Variants in NCAM2 observed in about 807,000 individuals in gnomAD.
The protein encoded by NCAM2 is neural cell adhesion molecule 2, also known as N-CAM-2.
NCAM2 carries 30 observed loss-of-function variants against 98.1 expected under a neutral mutation model. That is an observed-to-expected ratio of 0.31 (90% confidence interval 0.23 to 0.41). NCAM2 has a LOEUF of 0.41. Ranked by LOEUF, NCAM2 falls within the 10% of genes least tolerant of loss-of-function variation. The pLI, the probability that NCAM2 is intolerant of heterozygous loss-of-function variation, is 1.00. For missense variants in NCAM2, 867 were observed against 1,005.8 expected, an observed-to-expected ratio of 0.86 and a Z score of 1.87; for synonymous variants, 368 against 342.4, an observed-to-expected ratio of 1.07 and a Z score of -0.83.
intron 6 of NCAM2, among the ~76,000 whole-genome samples, chr21:21,331,608 G>GAGAGAGAGAGAT: frequency 4.0e-5 from 1 of 24,970 alleles, no homozygotes; most frequent in Non-Finnish European, 8.5e-5. Flanking sequence ...GAGAGTGAGA[G>GAGAGAGAGAGAT]AGAGAATCTC....
intron 1 of NCAM2, among the ~76,000 whole-genome samples, chr21:21,235,188 A>C (rs2070771232): frequency 6.6e-6 from 1 of 151,916 alleles, no homozygotes; most frequent in Non-Finnish European, 1.5e-5. Flanking sequence ...TGCTTTAGTA[A>C]GAAAGATATT....
At chr21:21,471,771 C>T (rs556492322) in intron 14 of NCAM2, among the ~76,000 whole-genome samples, 55 of 152,084 alleles carry the variant, frequency 3.6e-4, no homozygotes, top group Non-Finnish European at 6.8e-4. Context: ...AAGTGTAAAA[C>T]TCCCTATAGA....
chr21:21,100,575 A>G (rs1278569104), intron 1 of NCAM2, among the ~76,000 whole-genome samples: 1 of 152,066 alleles, frequency 6.6e-6, no homozygotes, highest in African/African-American at 2.4e-5. Flanking sequence ...CCTATGTTAC[A>G]TTTCCTGTTA....
At chr21:21,114,313 T>C (rs1303667463) in intron 1 of NCAM2, among the ~76,000 whole-genome samples, 5 of 152,242 alleles carry the variant, frequency 3.3e-5, no homozygotes, top group African/African-American at 1.2e-4. Context: ...CTTTGCTCTC[T>C]ACAAAAATTG....
chr21:21,158,816 C>G (rs192153537), intron 1 of NCAM2, among the ~76,000 whole-genome samples: 19 of 152,112 alleles, frequency 1.2e-4, no homozygotes, highest in Admixed American at 3.9e-4. Context: ...TAATAAATGA[C>G]TATATCTGGC....
chr21:21,466,575 T>C, intron 12 of NCAM2, 31 bp from the exon 13 acceptor site: 2 of 1,466,050 alleles, frequency 1.4e-6, no homozygotes, highest in South Asian at 1.3e-5. Flanking sequence ...ATATATATGT[T>C]TTATTTTGTT....
chr21:21,236,301 T>C (rs950381115), intron 1 of NCAM2, among the ~76,000 whole-genome samples: 1 of 70,992 alleles, frequency 1.4e-5, no homozygotes, highest in African/African-American at 4.1e-5. Context: ...ATTGTGTCAT[T>C]TTTCCCTCTA....
chr21:21,029,816 G>T (rs1032422834), intron 1 of NCAM2, among the ~76,000 whole-genome samples: 10 of 151,752 alleles, frequency 6.6e-5, no homozygotes, highest in Non-Finnish European at 1.5e-4. Context: ...ATTTTTAGTA[G>T]AGACGGGGTT....
chr21:21,005,796 G>C lies in NCAM2; in HGVS notation c.55+7178G>C, dbSNP rs561881638. 8.7e-5 allele frequency among the ~76,000 whole-genome samples: 13 copies of C among 149,608 alleles called. No individual in the cohort carries two copies. In the South Asian group the frequency reaches 2.3e-3, roughly 27 times the overall value. ...CACACCAAAACAAAATAAAATCCAG[G>C]AGAACGCCCCCCCCAAAAAAAAAAC... is the stretch of plus-strand genomic sequence containing the variant. On this transcript the variant is annotated intron_variant, in intron 1 of 17. Coordinates refer to ENST00000400546, the MANE Select transcript of NCAM2 (RefSeq NM_004540.5).
intron 1 of NCAM2, among the ~76,000 whole-genome samples, chr21:21,265,008 ATATATAT>A (rs377654584): frequency 3.3e-5 from 3 of 91,836 alleles, no homozygotes; most frequent in East Asian, 6.3e-4. Flanking sequence ...ATATATACAC[ATATATAT>A]TATATATGTG....
intron 1 of NCAM2, among the ~76,000 whole-genome samples, chr21:21,149,775 TG>T (rs2067393036): frequency 6.6e-6 from 1 of 152,192 alleles, no homozygotes; most frequent in African/African-American, 2.4e-5. Flanking sequence ...TAGTATTACA[TG>T]GTGTATATGT....
At chr21:21,534,875 T>C (rs1989899924) in intron 17 of NCAM2, among the ~76,000 whole-genome samples, 1 of 152,140 alleles carries the variant, frequency 6.6e-6, no homozygotes, top group South Asian at 2.1e-4. Flanking sequence ...TGTTAAACCA[T>C]ATATCTGTAA....
At chr21:21,518,530 TAACTA>T (rs1988837076) in intron 16 of NCAM2, among the ~76,000 whole-genome samples, 1 of 152,042 alleles carries the variant, frequency 6.6e-6, no homozygotes, top group African/African-American at 2.4e-5. Context: ...ATTGTCTTCC[TAACTA>T]AACAAACAGA....
At chr21:21,202,771 A>G (rs1009270091) in intron 1 of NCAM2, among the ~76,000 whole-genome samples, 3 of 152,108 alleles carry the variant, frequency 2.0e-5, no homozygotes, top group Non-Finnish European at 4.4e-5. Context: ...TTGAACTTAA[A>G]ACAAATAAAT....
chr21:21,490,827 A>G (rs1379762495), intron 15 of NCAM2, among the ~76,000 whole-genome samples: 1 of 151,816 alleles, frequency 6.6e-6, no homozygotes, highest in Non-Finnish European at 1.5e-5. Context: ...CTATAAGTGT[A>G]TTGTCCTCAG....
chr21:21,438,127 G>C (rs902575182), intron 12 of NCAM2, among the ~76,000 whole-genome samples: 3 of 151,976 alleles, frequency 2.0e-5, no homozygotes, highest in Admixed American at 1.3e-4. Flanking sequence ...TTTTCCCTCT[G>C]AGCAGCTTTA....
intron 10 of NCAM2, among the ~76,000 whole-genome samples, chr21:21,417,842 G>T (rs951940751): frequency 2.6e-5 from 4 of 151,992 alleles, no homozygotes. Flanking sequence ...TATGAGTATT[G>T]TTGCAAAGAG....
chr21:21,139,677 T>C (rs1403856014), intron 1 of NCAM2, among the ~76,000 whole-genome samples: 1 of 152,164 alleles, frequency 6.6e-6, no homozygotes, highest in Non-Finnish European at 1.5e-5. Context: ...AAGGGGAAGA[T>C]TAAATTGTTT....
intron 9 of NCAM2, among the ~76,000 whole-genome samples, chr21:21,376,797 G>A (rs1348145143): frequency 2.0e-5 from 3 of 151,666 alleles, no homozygotes; most frequent in Non-Finnish European, 3.0e-5. Context: ...CAAGGTAAAT[G>A]TGCAGACTTA....
Sources: gnomAD v4.1 joint callset for allele counts (sites outside exome capture counted in the v4.1 genomes callset) on GRCh38, gnomAD v4.1.1 for gene constraint, MANE v1.5 for transcripts, NCBI Gene and HGNC (gene_info 2026-07-23, HGNC 2026-07-21) for gene names.